GABRG3: variants seen among roughly 807,000 people sequenced by gnomAD.
GABRG3 encodes the protein gamma-aminobutyric acid receptor subunit gamma-3.
A neutral mutation model predicts 48.8 loss-of-function variants in GABRG3; 25 were observed. The observed-to-expected ratio is 0.51, with a 90% CI of 0.37 to 0.72. GABRG3 has a LOEUF of 0.72. Ranked by LOEUF, GABRG3 falls within the 30% of genes least tolerant of loss-of-function variation. The pLI, the probability that GABRG3 is intolerant of heterozygous loss-of-function variation, is 0.00. For synonymous variants in GABRG3, 227 were observed against 217.6 expected, an observed-to-expected ratio of 1.04 and a Z score of -0.38; for missense variants, 394 against 577.9, an observed-to-expected ratio of 0.68 and a Z score of 3.26.
intron 5 of GABRG3, among the ~76,000 whole-genome samples, chr15:27,390,810 C>T (rs1218689131): frequency 2.6e-5 from 4 of 152,070 alleles, no homozygotes; most frequent in East Asian, 1.9e-4. Context: ...ATAATCAGGC[C>T]GGGCACGGTG....
intron 5 of GABRG3, among the ~76,000 whole-genome samples, chr15:27,376,901 T>C (rs1004330954): frequency 6.6e-6 from 1 of 152,164 alleles, no homozygotes; most frequent in African/African-American, 2.4e-5. Context: ...GAAAATGGGA[T>C]TTTCTTTTCT....
At chr15:27,347,583 C>G (rs1894417574) in intron 5 of GABRG3, among the ~76,000 whole-genome samples, 2 of 152,194 alleles carry the variant, frequency 1.3e-5, no homozygotes, top group African/African-American at 4.8e-5. Context: ...GGCAAATGCT[C>G]TGGTGTATTT....
intron 3 of GABRG3, among the ~76,000 whole-genome samples, chr15:27,303,926 A>G (rs1054039294): frequency 1.3e-5 from 2 of 151,906 alleles, no homozygotes; most frequent in Admixed American, 6.6e-5. Flanking sequence ...ATACAAGACT[A>G]GTTCAGTACT....
intron 5 of GABRG3, among the ~76,000 whole-genome samples, chr15:27,478,530 T>C (rs745904686): frequency 3.3e-5 from 5 of 152,114 alleles, no homozygotes; most frequent in Admixed American, 6.5e-5. Context: ...TATGGAGAAA[T>C]AGAAACCCTT....
At chr15:27,239,504 G>T (rs1481990673) in intron 3 of GABRG3, among the ~76,000 whole-genome samples, 1 of 152,114 alleles carries the variant, frequency 6.6e-6, no homozygotes, top group Non-Finnish European at 1.5e-5. Context: ...TTCTAGCCTT[G>T]TACCTCTGAA....
chr15:26,978,885 G>T (rs1216108324), intron 2 of GABRG3, among the ~76,000 whole-genome samples: 1 of 152,156 alleles, frequency 6.6e-6, no homozygotes, highest in Non-Finnish European at 1.5e-5. Context: ...GCTGGGATTT[G>T]GTAGGAGTTT....
At chr15:27,285,252 C>G (rs1891567817) in intron 3 of GABRG3, among the ~76,000 whole-genome samples, 2 of 124,896 alleles carry the variant, frequency 1.6e-5, no homozygotes, top group Admixed American at 1.8e-4. Context: ...GCTGAGCTTT[C>G]AGGTGTGTGT....
chr15:27,234,405 C>T (rs942504663), intron 3 of GABRG3, among the ~76,000 whole-genome samples: 6 of 152,130 alleles, frequency 3.9e-5, no homozygotes, highest in East Asian at 3.9e-4. Flanking sequence ...TCTGGGCCTC[C>T]GTCTTCTCAT....
intron 2 of GABRG3, among the ~76,000 whole-genome samples, chr15:27,001,888 G>GTTTTTTTTTTTTTTTTTT (rs60516105): frequency 0.019 from 2,299 of 120,718 alleles, 121 homozygotes; most frequent in East Asian, 0.055. Flanking sequence ...CCATAACTCA[G>GTTTTTTTTTTTTTTTTTT]TTTTTTTTTT....
At chr15:27,359,991 C>G (rs1304862580) in intron 5 of GABRG3, among the ~76,000 whole-genome samples, 1 of 152,156 alleles carries the variant, frequency 6.6e-6, no homozygotes, top group African/African-American at 2.4e-5. Flanking sequence ...ACACATTGAG[C>G]CCTGTGTGAA....
At chr15:27,087,903 TGTGA>T (rs1363149428) in intron 3 of GABRG3, among the ~76,000 whole-genome samples, 2 of 149,570 alleles carry the variant, frequency 1.3e-5, no homozygotes, top group Non-Finnish European at 3.0e-5. Flanking sequence ...TGTGTGCATG[TGTGA>T]GTGTGGTGTG....
intron 6 of GABRG3, chr15:27,483,219 C>T (rs557723338): frequency 2.0e-5 from 3 of 152,232 alleles, no homozygotes; most frequent in East Asian, 3.9e-4. Context: ...TGGCATCTTC[C>T]GAGTGCCGTG....
intron 3 of GABRG3, among the ~76,000 whole-genome samples, chr15:27,270,164 C>T (rs1267025370): frequency 6.6e-6 from 1 of 152,056 alleles, no homozygotes; most frequent in Non-Finnish European, 1.5e-5. Context: ...TAATACAACT[C>T]TTAGAAAAAT....
At chr15:26,993,451 T>C (rs769859818) in intron 2 of GABRG3, among the ~76,000 whole-genome samples, 5 of 152,160 alleles carry the variant, frequency 3.3e-5, no homozygotes, top group African/African-American at 1.2e-4. Flanking sequence ...CTTCTTAATT[T>C]CCTCATTGAC....
At chr15:27,207,615 A>G (rs1888897198) in intron 3 of GABRG3, among the ~76,000 whole-genome samples, 2 of 152,210 alleles carry the variant, frequency 1.3e-5, no homozygotes, top group South Asian at 2.1e-4. Flanking sequence ...TGCGACAGCA[A>G]TATCTCTGCA....
intron 5 of GABRG3, among the ~76,000 whole-genome samples, chr15:27,329,806 C>A (rs1225736311): frequency 1.3e-5 from 2 of 152,138 alleles, no homozygotes; most frequent in Admixed American, 1.3e-4. Context: ...AATATCAAAT[C>A]TATTTATACA....
At chr15:27,116,538 GACA>G (rs1210320982) in intron 3 of GABRG3, among the ~76,000 whole-genome samples, 2 of 152,142 alleles carry the variant, frequency 1.3e-5, no homozygotes, top group African/African-American at 4.8e-5. Context: ...CTTCTACTAT[GACA>G]ACTACTTTTA....
chr15:27,340,991 G>C (rs1353100226), intron 5 of GABRG3: 1 of 512,474 alleles, frequency 2.0e-6, no homozygotes, highest in African/African-American at 1.9e-5. Context: ...TGGAGGGAAA[G>C]AAGGGCAAGA....
At chr15:27,425,749 C>T (rs1342726828) in intron 5 of GABRG3, among the ~76,000 whole-genome samples, 1 of 152,188 alleles carries the variant, frequency 6.6e-6, no homozygotes, top group Non-Finnish European at 1.5e-5. Flanking sequence ...TTTCTTATTA[C>T]TTCTCCTTGG....
Sources: gnomAD v4.1 joint callset for allele counts (sites outside exome capture counted in the v4.1 genomes callset) on GRCh38, gnomAD v4.1.1 for gene constraint, MANE v1.5 for transcripts, NCBI Gene and HGNC (gene_info 2026-07-23, HGNC 2026-07-21) for gene names.